The following TMEFF2 variants were observed in gnomAD, a reference collection of about 807,000 sequenced individuals.
The protein encoded by TMEFF2 is tomoregulin-2.
A neutral mutation model predicts 53.8 loss-of-function variants in TMEFF2; 28 were observed. The observed-to-expected ratio is 0.52, with a 90% CI of 0.39 to 0.71. The LOEUF (loss-of-function observed/expected upper bound fraction) is 0.71. Ranked by LOEUF, TMEFF2 falls within the 30% of genes least tolerant of loss-of-function variation. The probability of loss-of-function intolerance (pLI) is 0.00; values close to 1 mark genes in which losing one functional copy is unlikely to be tolerated. For synonymous variants in TMEFF2, 162 were observed against 166.3 expected, an observed-to-expected ratio of 0.97 and a Z score of 0.20; for missense variants, 353 against 455.2, an observed-to-expected ratio of 0.78 and a Z score of 2.04.
chr2:192,161,059 T>C (rs1333750051), intron 4 of TMEFF2, among the ~76,000 whole-genome samples: 1 of 152,144 alleles, frequency 6.6e-6, no homozygotes, highest in Non-Finnish European at 1.5e-5. Context: ...GGGGACACTT[T>C]ACCGTCTCCC....
chr2:192,020,029 A>G (rs999818815), intron 5 of TMEFF2, among the ~76,000 whole-genome samples: 3 of 152,112 alleles, frequency 2.0e-5, no homozygotes, highest in African/African-American at 7.2e-5. Context: ...TGTTGGGAGC[A>G]CAACCAAGAT....
chr2:191,975,057 A>G (rs570453206), intron 7 of TMEFF2, among the ~76,000 whole-genome samples: 59 of 152,112 alleles, frequency 3.9e-4, no homozygotes, highest in African/African-American at 1.4e-3. Context: ...GTTACAACAA[A>G]ATGATAAAAT....
At chr2:192,139,388 A>G (rs1295696757) in intron 4 of TMEFF2, among the ~76,000 whole-genome samples, 2 of 152,216 alleles carry the variant, frequency 1.3e-5, no homozygotes, top group Non-Finnish European at 2.9e-5. Flanking sequence ...TAGGAAGGAC[A>G]GCACCATCAA....
Position 192,192,113 on chromosome 2 carries a change from T to C in TMEFF2, c.173-124A>G, listed in dbSNP as rs540512460. ...TTAAATCCAACAACTATAGCTGTAC[T>C]GCAAGGTCACTGTCTACTGATAACC... On this transcript the variant is annotated intron_variant, in intron 1 of 9. Transcript: ENST00000272771. 5.2e-5 allele frequency: 33 copies of C among 632,368 alleles called. No homozygotes were observed. In the African/African-American group the frequency reaches 5.3e-4, roughly 10 times the overall value. The allele number at this position is 632,368 out of a possible 1,614,324, so 39.2% of individuals were successfully genotyped here. A position where few individuals can be genotyped will look rare whatever the true frequency, so the allele number is the denominator to read the frequency against.
intron 4 of TMEFF2, among the ~76,000 whole-genome samples, chr2:192,107,049 A>C (rs1689166289): frequency 6.6e-6 from 1 of 151,768 alleles, no homozygotes; most frequent in African/African-American, 2.4e-5. Context: ...TACCCTGAGT[A>C]TTTGATGAGT....
At chr2:192,073,599 T>C (rs1278972835) in intron 4 of TMEFF2, among the ~76,000 whole-genome samples, 1 of 151,932 alleles carries the variant, frequency 6.6e-6, no homozygotes, top group Non-Finnish European at 1.5e-5. Context: ...CAAAACCTAC[T>C]AGTTTGTTTA....
At chr2:192,094,204 CAGCTT>C (rs2105937326) in intron 4 of TMEFF2, among the ~76,000 whole-genome samples, 1 of 152,276 alleles carries the variant, frequency 6.6e-6, no homozygotes, top group South Asian at 2.1e-4. Context: ...TTGAGTCTGT[CAGCTT>C]AGACTGAGAG....
At chr2:192,032,579 G>T (rs1395932587) in intron 5 of TMEFF2, 1 of 152,098 alleles carries the variant, frequency 6.6e-6, no homozygotes, top group African/African-American at 2.4e-5. Flanking sequence ...AGTTACAAGC[G>T]GTAATACAAA....
intron 4 of TMEFF2, among the ~76,000 whole-genome samples, chr2:192,070,756 G>A (rs2105915579): frequency 6.6e-6 from 1 of 151,986 alleles, no homozygotes; most frequent in South Asian, 2.1e-4. Context: ...GTAATAACAA[G>A]GTGTAACCAC....
chr2:192,162,798 C>T (rs935474147), intron 4 of TMEFF2, among the ~76,000 whole-genome samples: 5 of 152,154 alleles, frequency 3.3e-5, no homozygotes, highest in African/African-American at 4.8e-5. Flanking sequence ...TTAAAAGAAT[C>T]TCTGTGAAAG....
intron 4 of TMEFF2, among the ~76,000 whole-genome samples, chr2:192,082,315 T>G (rs1055708624): frequency 2.0e-5 from 3 of 152,188 alleles, no homozygotes; most frequent in Non-Finnish European, 4.4e-5. Flanking sequence ...TCTTTCCCGC[T>G]AAGACCACAC....
At chr2:192,158,740 A>G (rs1269144977) in intron 4 of TMEFF2, among the ~76,000 whole-genome samples, 1 of 152,096 alleles carries the variant, frequency 6.6e-6, no homozygotes, top group African/African-American at 2.4e-5. Flanking sequence ...AACCACAGCA[A>G]CTCACAGAAT....
intron 7 of TMEFF2, among the ~76,000 whole-genome samples, chr2:191,964,296 CTTCTTTCCTTCT>C (rs1270535342): frequency 7.6e-6 from 1 of 132,068 alleles, no homozygotes; most frequent in African/African-American, 2.9e-5. Flanking sequence ...TCCTTCTTTC[CTTCTTTCCTTCT>C]TTCTTTCCTT....
intron 9 of TMEFF2, 139 bp downstream of exon 9, chr2:191,953,540 C>A: frequency 1.2e-6 from 1 of 865,830 alleles, no homozygotes; most frequent in Non-Finnish European, 1.7e-6. Context: ...TTCAAATACT[C>A]TTATGCTAAG....
chr2:192,086,252 C>T (rs898879101), intron 4 of TMEFF2, among the ~76,000 whole-genome samples: 2 of 152,114 alleles, frequency 1.3e-5, no homozygotes, highest in Admixed American at 1.3e-4. Flanking sequence ...CTATGCAATA[C>T]CAGTGAGCCA....
intron 5 of TMEFF2, among the ~76,000 whole-genome samples, chr2:192,010,381 A>G (rs1453996703): frequency 6.6e-6 from 1 of 152,186 alleles, no homozygotes; most frequent in Non-Finnish European, 1.5e-5. Context: ...TTGCCTTGAA[A>G]TAAAAATGCT....
At chr2:192,048,361 AACACACACACACACACAC>A (rs3053696) in intron 5 of TMEFF2, among the ~76,000 whole-genome samples, 57 of 143,262 alleles carry the variant, frequency 4.0e-4, no homozygotes, top group Non-Finnish European at 7.0e-4. Context: ...ATTCTCATAA[AACACACACACACACACAC>A]ACACACACAC....
At chr2:192,108,675 G>A (rs2356951) in intron 4 of TMEFF2, among the ~76,000 whole-genome samples, 151,943 of 152,096 alleles carry the variant, frequency 1, 75,895 homozygotes, top group Middle Eastern at 1. Context: ...TTATCATTTA[G>A]CCCAGCAATG....
At chr2:192,161,981 G>C (rs1294003935) in intron 4 of TMEFF2, among the ~76,000 whole-genome samples, 1 of 152,118 alleles carries the variant, frequency 6.6e-6, no homozygotes, top group East Asian at 1.9e-4. Flanking sequence ...CGTTTTGAAG[G>C]GTGCTGACAA....
Sources: allele counts gnomAD v4.1 joint callset (sites outside exome capture counted in the v4.1 genomes callset), GRCh38; gene constraint gnomAD v4.1.1; transcripts MANE v1.5; gene names NCBI Gene and HGNC (gene_info 2026-07-23, HGNC 2026-07-21).